Variants in PARM1 observed in about 807,000 individuals in gnomAD.
PARM1 encodes prostate androgen-regulated mucin-like protein 1, also known as WSC4, cell wall integrity and stress response component 4 homolog.
In PARM1, 14 loss-of-function variants were observed where a neutral mutation model predicts 24.6. The observed-to-expected ratio is 0.57, with a 90% CI of 0.38 to 0.89. The LOEUF (loss-of-function observed/expected upper bound fraction) is 0.89. Ranked by LOEUF, PARM1 falls within the 40% of genes least tolerant of loss-of-function variation. The pLI is 0.00. For missense variants in PARM1, 362 were observed against 380.4 expected (o/e 0.95, Z 0.40); for synonymous variants, 179 against 156.6 (o/e 1.14, Z -1.07).
intron 2 of PARM1, among the ~76,000 whole-genome samples, chr4:75,019,972 C>T (rs1354804017): frequency 1.5e-5 from 2 of 135,562 alleles, no homozygotes; most frequent in African/African-American, 5.4e-5. Flanking sequence ...CACTGCAGTC[C>T]GCAGTCCGGC....
At chr4:74,945,812 T>C (rs891902250) in intron 1 of PARM1, among the ~76,000 whole-genome samples, 4 of 152,192 alleles carry the variant, frequency 2.6e-5, no homozygotes, top group Non-Finnish European at 5.9e-5. Flanking sequence ...TTTGGCAACA[T>C]TAAATTTCTT....
At chr4:74,981,949 A>G (rs1185326188) in intron 1 of PARM1, among the ~76,000 whole-genome samples, 1 of 152,108 alleles carries the variant, frequency 6.6e-6, no homozygotes, top group Non-Finnish European at 1.5e-5. Context: ...CACTGGATAT[A>G]CATTCAAAGG....
intron 1 of PARM1, among the ~76,000 whole-genome samples, chr4:75,001,243 G>T (rs908131661): frequency 6.6e-6 from 1 of 152,134 alleles, no homozygotes; most frequent in Non-Finnish European, 1.5e-5. Flanking sequence ...ATCATTTGTA[G>T]AATGGGAAAA....
chr4:75,036,645 A>G (rs546374547), intron 3 of PARM1, among the ~76,000 whole-genome samples: 14 of 152,214 alleles, frequency 9.2e-5, no homozygotes, highest in Non-Finnish European at 2.1e-4. Context: ...CTGCCATCAC[A>G]GTACTTACCA....
Position 75,050,088 on chromosome 4 carries a change from T to G in PARM1, c.*3841T>G, listed in dbSNP as rs1302253255. Reference sequence around the variant, plus strand: ...ACATATTGCATACCAATTATAATTATATCAATTAAAGTTGATAAAAGCTTC... The same window carrying G: ...ACATATTGCATACCAATTATAATTAGATCAATTAAAGTTGATAAAAGCTTC... On this transcript the variant is annotated 3_prime_UTR_variant, in exon 4 of 4. Transcript: ENST00000307428. 1 of 152,618 alleles carries G rather than the reference T, an allele frequency of 6.6e-6. No homozygotes were observed. Among genetic ancestry groups the G allele is most frequent in the Non-Finnish European group, 1.5e-5 (1 of 68,022 alleles). The allele number at this position is 152,618 out of a possible 1,614,324, so 9.5% of individuals were successfully genotyped here.
chr4:74,983,322 A>G (rs533672152), intron 1 of PARM1, among the ~76,000 whole-genome samples: 1 of 152,284 alleles, frequency 6.6e-6, no homozygotes, highest in Non-Finnish European at 1.5e-5. Flanking sequence ...ACTCATAACT[A>G]TTTTGAGGGG....
intron 2 of PARM1, among the ~76,000 whole-genome samples, chr4:75,020,667 C>T (rs919881054): frequency 6.6e-6 from 1 of 152,176 alleles, no homozygotes; most frequent in African/African-American, 2.4e-5. Context: ...TATGTGGGCT[C>T]CACTTGTCAC....
intron 1 of PARM1, among the ~76,000 whole-genome samples, chr4:74,976,308 C>G (rs1722137856): frequency 2.0e-5 from 3 of 152,330 alleles, no homozygotes; most frequent in South Asian, 4.1e-4. Flanking sequence ...GAGGAATTCC[C>G]ACAGTGCAGT....
intron 2 of PARM1, among the ~76,000 whole-genome samples, chr4:75,025,268 G>A (rs947883536): frequency 1.3e-5 from 2 of 152,152 alleles, no homozygotes; most frequent in African/African-American, 4.8e-5. Flanking sequence ...TTGATCTGGG[G>A]AGCACCATTA....
At chr4:75,043,669 T>C (rs1560396422) in intron 3 of PARM1, among the ~76,000 whole-genome samples, 1 of 152,194 alleles carries the variant, frequency 6.6e-6, no homozygotes, top group Non-Finnish European at 1.5e-5. Context: ...GCTCCAGGGC[T>C]TTAGTTACCG....
chr4:74,938,531 A>G (rs920750391), intron 1 of PARM1, among the ~76,000 whole-genome samples: 2 of 152,196 alleles, frequency 1.3e-5, no homozygotes, highest in Non-Finnish European at 2.9e-5. Context: ...AGGTGGGTAG[A>G]TAGTGAATGT....
At chr4:74,943,589 C>T (rs562390558) in intron 1 of PARM1, among the ~76,000 whole-genome samples, 2 of 151,950 alleles carry the variant, frequency 1.3e-5, no homozygotes, top group South Asian at 4.2e-4. Context: ...TATACACATA[C>T]AAAATTTTTC....
chr4:75,000,970 G>T (rs1722669714), intron 1 of PARM1, among the ~76,000 whole-genome samples: 1 of 152,100 alleles, frequency 6.6e-6, no homozygotes, highest in Admixed American at 6.6e-5. Flanking sequence ...GATAATTCAA[G>T]GTATACTACT....
chr4:74,980,450 C>T (rs1215633641), intron 1 of PARM1, among the ~76,000 whole-genome samples: 3 of 152,034 alleles, frequency 2.0e-5, no homozygotes, highest in Non-Finnish European at 4.4e-5. Context: ...CAAACCACTT[C>T]TCAAGGAAAT....
chr4:75,038,009 C>T (rs1322922825), intron 3 of PARM1, among the ~76,000 whole-genome samples: 2 of 152,038 alleles, frequency 1.3e-5, no homozygotes, highest in African/African-American at 4.8e-5. Context: ...CTCCACCTCC[C>T]GGGTTCAAGC....
chr4:75,034,818 CTAT>C (rs1723337489), intron 3 of PARM1: 1 of 152,410 alleles, frequency 6.6e-6, no homozygotes, highest in South Asian at 2.1e-4. Context: ...AGAACCATTT[CTAT>C]GCAAGCTCCT....
At chr4:75,041,972 T>C (rs1328809016) in intron 3 of PARM1, among the ~76,000 whole-genome samples, 1 of 152,216 alleles carries the variant, frequency 6.6e-6, no homozygotes, top group Non-Finnish European at 1.5e-5. Flanking sequence ...CATCATTGCA[T>C]GCTAGTCCAG....
At chr4:74,971,887 T>C (rs1048137903) in intron 1 of PARM1, among the ~76,000 whole-genome samples, 1 of 152,240 alleles carries the variant, frequency 6.6e-6, no homozygotes, top group Non-Finnish European at 1.5e-5. Context: ...TTGGGACACA[T>C]TCTTCCTGCA....
chr4:75,037,749 T>G (rs998945123), intron 3 of PARM1, among the ~76,000 whole-genome samples: 4 of 152,192 alleles, frequency 2.6e-5, no homozygotes, highest in Admixed American at 6.5e-5. Context: ...TACTTACTAT[T>G]TAGGCGGCCT....
Sources: allele counts gnomAD v4.1 joint callset (sites outside exome capture counted in the v4.1 genomes callset), GRCh38; gene constraint gnomAD v4.1.1; transcripts MANE v1.5; gene names NCBI Gene and HGNC (gene_info 2026-07-23, HGNC 2026-07-21).